PIEZO1: variants seen among roughly 807,000 people sequenced by gnomAD.
PIEZO1 encodes piezo-type mechanosensitive ion channel component 1.
Under a neutral mutation model 297.2 loss-of-function variants are expected in PIEZO1, and 296 were observed. The ratio of observed to expected loss-of-function variants is 1.00; its 90% CI spans 0.91 to 1.10. The LOEUF is 1.10. Among genes scored for constraint, PIEZO1 ranks in the 50% least tolerant of loss-of-function variants. The pLI, the probability that PIEZO1 is intolerant of heterozygous loss-of-function variation, is 0.00. For synonymous variants in PIEZO1, 2,427 were observed against 1,507.5 expected (o/e 1.61, Z -14.13); for missense variants, 5,018 against 3,455.5 (o/e 1.45, Z -11.34).
rs1225915395 is a variant in PIEZO1 at position 88,737,549 on chromosome 16, C to T, written c.1195+10G>A. ...GCACCCAGCCATACCTTGCAGTGTG[C>T]GGTACTCACCAGGCCGCCGCAGGAC... On this transcript the variant is annotated intron_variant, in intron 10 of 50. Coordinates refer to ENST00000301015, the MANE Select transcript of PIEZO1 (RefSeq NM_001142864.4). 8.6e-6 allele frequency: 13 copies of T among 1,518,356 alleles called. No individual in the cohort carries two copies. Among genetic ancestry groups the T allele is most frequent in the South Asian group, 4.8e-5 (4 of 83,630 alleles). The allele number at this position is 1,518,356 out of a possible 1,614,324, so 94.1% of individuals were successfully genotyped here.
At chr16:88,758,244 G>A (rs1203285687) in intron 1 of PIEZO1, among the ~76,000 whole-genome samples, 1 of 152,104 alleles carries the variant, frequency 6.6e-6, no homozygotes, top group Admixed American at 6.5e-5. Context: ...GACCAACTGT[G>A]TGGCCCTCAG....
intron 19 of PIEZO1, chr16:88,732,990 T>A: frequency 1.7e-6 from 1 of 580,244 alleles, no homozygotes. Flanking sequence ...CAGGCAGAGA[T>A]GCCTGACTGT....
intron 1 of PIEZO1, among the ~76,000 whole-genome samples, chr16:88,755,211 G>T (rs752349287): frequency 1.3e-5 from 2 of 152,240 alleles, no homozygotes; most frequent in Admixed American, 1.3e-4. Flanking sequence ...AGCCGCCCCC[G>T]CCGCCCCCGC....
intron 44 of PIEZO1, chr16:88,719,153 G>GTTTCT (rs909225493): frequency 2.6e-4 from 54 of 204,668 alleles, no homozygotes; most frequent in Admixed American, 1.6e-4. Flanking sequence ...CCGGCCCGGG[G>GTTTCT]TTTCTTTTTG....
chr16:88,728,195 C>T (rs904166682), intron 22 of PIEZO1, among the ~76,000 whole-genome samples: 1 of 152,146 alleles, frequency 6.6e-6, no homozygotes, highest in Non-Finnish European at 1.5e-5. Flanking sequence ...GATAGGACCA[C>T]GTGCTGGGGA....
intron 1 of PIEZO1, among the ~76,000 whole-genome samples, chr16:88,777,934 G>A (rs1907740922): frequency 6.6e-6 from 1 of 152,254 alleles, no homozygotes; most frequent in African/African-American, 2.4e-5. Context: ...CCCCTCCTGG[G>A]CAGGCGGCCT....
At chr16:88,778,934 G>A (rs1395325124) in intron 1 of PIEZO1, among the ~76,000 whole-genome samples, 1 of 152,200 alleles carries the variant, frequency 6.6e-6, no homozygotes, top group Non-Finnish European at 1.5e-5. Context: ...AGCGGGGGCA[G>A]GTGGGGTGCA....
intron 1 of PIEZO1, among the ~76,000 whole-genome samples, chr16:88,764,137 G>A (rs1305550773): frequency 6.6e-6 from 1 of 152,158 alleles, no homozygotes; most frequent in Admixed American, 6.5e-5. Context: ...CATCAGATGC[G>A]AAGGTCCTGG....
At chr16:88,746,942 G>A (rs534628866) in intron 2 of PIEZO1, among the ~76,000 whole-genome samples, 51 of 152,270 alleles carry the variant, frequency 3.3e-4, no homozygotes, top group African/African-American at 1.2e-3. Context: ...GGGAGTGGGG[G>A]TGCCCACCCA....
At position 88,738,035 on chromosome 16, in the gene PIEZO1, C is replaced by T. The variant is rs200651964; in HGVS notation, c.919G>A (p.Gly307Ser). 1.7e-4 allele frequency: 254 copies of T among 1,535,744 alleles called. 1 individual carries two copies. The highest frequency in any genetic ancestry group is 6.6e-4 in the East Asian group (27 of 40,906). Reference sequence around the variant, plus strand: ...CTGGCATACACAGGCCAGTCCAGGCCGGTGTTGAGGACCAGCGCGTGGGGG... The same window carrying T: ...CTGGCATACACAGGCCAGTCCAGGCTGGTGTTGAGGACCAGCGCGTGGGGG... Reference protein sequence around the residue: ...SSPHALVLNTGLDWPVYASPG... With the variant: ...SSPHALVLNTSLDWPVYASPG... The change falls in exon 8 of 51, where the codon GGC becomes AGC. Residue 307 changes from glycine (G) to serine (S), a missense_variant. By Grantham distance (56) the Gly-to-Ser change is moderately conservative. Coordinates refer to ENST00000301015, the MANE Select transcript of PIEZO1 (RefSeq NM_001142864.4).
In PIEZO1 at chr16:88,725,623, C is replaced by G; in HGVS notation, c.4030G>C (p.Glu1344Gln). The G allele has an allele frequency of 6.5e-7, 1 of 1,549,648 alleles. No homozygotes were observed. Among genetic ancestry groups the G allele is most frequent in the African/African-American group, 1.4e-5 (1 of 73,126 alleles). Reference protein sequence around the residue: ...KSIDFHRRIEEKSLAQLKRQM... With the variant: ...KSIDFHRRIEQKSLAQLKRQM... The stretch of plus-strand genomic sequence containing the variant: ...CTTTTCAGCTGGGCCAGGGACTTCT[C>G]CTCTATCCTGCGGTGAAAGTCAATG... Residue 1344 changes from glutamate to glutamine, a missense_variant, in exon 28 of 51, where the codon GAG (glutamate) becomes CAG (glutamine). Physicochemically the swap from Glu to Gln is conservative, Grantham distance 29 (BLOSUM62 2). Transcript: ENST00000301015.
intron 1 of PIEZO1, among the ~76,000 whole-genome samples, chr16:88,755,141 C>A (rs961460993): frequency 2.0e-5 from 3 of 152,234 alleles, no homozygotes; most frequent in African/African-American, 7.2e-5. Context: ...AGCCGAGGAC[C>A]ACGACTGTCA....
At chr16:88,719,543 T>G (rs1328061824) in intron 44 of PIEZO1, 31 bp downstream of exon 44, 1 of 1,542,744 alleles carries the variant, frequency 6.5e-7, no homozygotes. Flanking sequence ...TCCCTGGCCC[T>G]TGTCCCGGCC....
At chr16:88,774,656 A>G (rs886627287) in intron 1 of PIEZO1, among the ~76,000 whole-genome samples, 4 of 152,186 alleles carry the variant, frequency 2.6e-5, no homozygotes, top group African/African-American at 9.6e-5. Flanking sequence ...CGCTGGACCC[A>G]TGAAGAAGGG....
chr16:88,725,059 G>C lies in PIEZO1; in HGVS notation c.4184C>G (p.Ser1395Cys). 6.7e-7 allele frequency: 1 copy of C among 1,501,330 alleles called. No individual in the cohort carries two copies. Among genetic ancestry groups the C allele is most frequent in the South Asian group, 1.3e-5 (1 of 76,650 alleles). 93.0% of individuals were successfully genotyped at this position (1,501,330 alleles called of 1,614,324 possible). Residue 1395 changes from serine (S) to cysteine (C), a missense_variant, in exon 30 of 51, where the codon TCC becomes TGC. Physicochemically the swap from Ser to Cys is moderately radical, Grantham distance 112. Coordinates refer to ENST00000301015, the MANE Select transcript of PIEZO1 (RefSeq NM_001142864.4). ...CCACCACTGCCTCCGTGGCGGGGAG[G>C]AGCCCCCTGGACTGTCGGGCCCTGT... ...LEPGPDSPGG[S>C]SPPRRQWWRP... is the part of the protein sequence containing the mutation.
In PIEZO1 at chr16:88,741,822, GTGTGGATGGGT is replaced by G. The variant is rs1905693078; in HGVS notation, c.327-217_327-207del. 7 of 232,438 alleles carry G rather than the reference GTGTGGATGGGT, an allele frequency of 3.0e-5. No homozygotes were observed. The South Asian group carries it at 3.4e-4, about 11-fold the overall frequency. 14.4% of individuals were successfully genotyped at this position (232,438 alleles called of 1,614,324 possible). A position where few individuals can be genotyped will look rare whatever the true frequency, so the allele number is the denominator to read the frequency against. ...GATGGGTCTGCAGGTGCGGGTGGGAGTGTGGATGGGTCTCCAGGTGCGGGTGGGAGTGTGGA... is the reference window on the plus strand; with the variant it reads ...GATGGGTCTGCAGGTGCGGGTGGGAGCTCCAGGTGCGGGTGGGAGTGTGGA... On this transcript the variant is annotated intron_variant, in intron 4 of 50. Transcript: ENST00000301015.
In PIEZO1 at chr16:88,733,628, T is replaced by G; in HGVS notation, c.2447A>C (p.Lys816Thr). 1 of 1,549,516 alleles carries G rather than the reference T, an allele frequency of 6.5e-7. No individual in the cohort carries two copies. The highest frequency in any genetic ancestry group is 8.7e-7 in the Non-Finnish European group (1 of 1,146,434). ...CCAGACGGTGTACAGGGCCACCAGC[T>G]TGAAAACGTGAAGCTCCAGCAGCCG... is the stretch of plus-strand genomic sequence containing the variant. ...LRRLLELHVF[K>T]LVALYTVWVA... is the part of the protein sequence containing the mutation. Residue 816 changes from lysine (K) to threonine (T), a missense_variant, in exon 18 of 51, where the codon AAG (lysine) becomes ACG (threonine). By Grantham distance (78) the Lys-to-Thr change is moderately conservative. Transcript: ENST00000301015.
In PIEZO1 at chr16:88,733,361, A is replaced by G; in HGVS notation, c.2581T>C (p.Trp861Arg). Residue 861 changes from tryptophan (W) to arginine (R), a missense_variant, in exon 19 of 51, where the codon TGG (tryptophan) becomes CGG (arginine). Transcript: ENST00000301015. ...TTACACACGATGATGACGCAGGTCC[A>G]CACGGTGGACAGGCAGGAGGCCATG... Reference protein sequence around the residue: ...RPMASCLSTVWTCVIIVCKML... With the variant: ...RPMASCLSTVRTCVIIVCKML... 6.5e-7 allele frequency: 1 copy of G among 1,550,264 alleles called. No individual in the cohort carries two copies. The highest frequency in any genetic ancestry group is 8.7e-7 in the Non-Finnish European group (1 of 1,146,856).
rs59446030 is a variant in PIEZO1 at position 88,733,964 on chromosome 16, GTCCTCC to G, written c.2265_2270del (p.Glu755_Glu756del). 410 of 1,522,808 alleles carry G rather than the reference GTCCTCC, an allele frequency of 2.7e-4. 2 individuals carry two copies. Among genetic ancestry groups the G allele is most frequent in the East Asian group, 1.2e-3 (48 of 40,504 alleles). The allele number at this position is 1,522,808 out of a possible 1,614,324, so 94.3% of individuals were successfully genotyped here. On this transcript the variant is annotated inframe_deletion, in exon 17 of 51. Coordinates refer to ENST00000301015, the MANE Select transcript of PIEZO1 (RefSeq NM_001142864.4). ...CCACGCCCAGCCCCTCGTCCCTGGA[GTCCTCC>G]TCCTCCTCCTCCTCCTCCTGCTGCT...
Sources: allele counts gnomAD v4.1 joint callset (sites outside exome capture counted in the v4.1 genomes callset), GRCh38; gene constraint gnomAD v4.1.1; transcripts MANE v1.5; gene names NCBI Gene and HGNC (gene_info 2026-07-23, HGNC 2026-07-21).